Variants in USP6 observed in about 807,000 individuals in gnomAD.
USP6 encodes ubiquitin carboxyl-terminal hydrolase 6.
In USP6, 128 loss-of-function variants were observed where a neutral mutation model predicts 175.7. The ratio of observed to expected loss-of-function variants is 0.73; its 90% CI spans 0.63 to 0.84. USP6 has a LOEUF of 0.84. USP6 is among the 40% of genes least tolerant of loss of function. The probability of loss-of-function intolerance (pLI) is 0.00; values close to 1 mark genes in which losing one functional copy is unlikely to be tolerated. For missense variants in USP6, 1,498 were observed against 1,760.3 expected (o/e 0.85, Z 2.67); for synonymous variants, 562 against 630.6 (o/e 0.89, Z 1.63).
intron 16 of USP6, 45 bp from the exon 17 acceptor site, chr17:5,135,763 G>T: frequency 6.3e-7 from 1 of 1,597,240 alleles, no homozygotes; most frequent in Non-Finnish European, 8.5e-7. Flanking sequence ...GGTGACCTCA[G>T]CCCTCCCAGG....
intron 30 of USP6, among the ~76,000 whole-genome samples, chr17:5,150,707 A>G (rs1015571656): frequency 6.6e-6 from 1 of 151,836 alleles, no homozygotes; most frequent in Non-Finnish European, 1.5e-5. Context: ...GTTGGCCAGG[A>G]TGGTCTTGAT....
chr17:5,174,787 A>G lies in USP6; in HGVS notation c.*1809A>G, dbSNP rs2074290641. The G allele has an allele frequency of 5.0e-6, 1 of 199,210 alleles. No individual in the cohort carries two copies. The highest frequency in any genetic ancestry group is 1.9e-4 in the South Asian group (1 of 5,226). 12.3% of individuals were successfully genotyped at this position (199,210 alleles called of 1,614,324 possible). On this transcript the variant is annotated 3_prime_UTR_variant, in exon 38 of 38. Transcript: ENST00000574788. The stretch of plus-strand genomic sequence containing the variant: ...ATTTATTAAATTAACTATTAACTAC[A>G]TTCACCTTGTAAATTACTGTATAAA...
intron 26 of USP6, 124 bp downstream of exon 26, chr17:5,144,987 G>T: frequency 7.3e-7 from 1 of 1,365,864 alleles, no homozygotes; most frequent in Non-Finnish European, 9.7e-7. Context: ...AAAAATTAAG[G>T]AATTTCTATT....
chr17:5,171,168 G>A (rs953271613), intron 36 of USP6, among the ~76,000 whole-genome samples: 4 of 151,896 alleles, frequency 2.6e-5, no homozygotes, highest in South Asian at 4.1e-4. Flanking sequence ...CTTGGGCCCC[G>A]TCTCTACAAA....
rs148034086 is a variant in USP6 at position 5,155,512 on chromosome 17, C to T, written c.2734C>T (p.Arg912Trp). Residue 912 changes from arginine (R) to tryptophan (W), a missense_variant, in exon 31 of 38, where the codon CGG becomes TGG. Physicochemically the swap from Arg to Trp is moderately radical, Grantham distance 101 (BLOSUM62 -3). Transcript: ENST00000574788. Reference protein sequence around the residue: ...PLIVPCTVHTRKKDLYDAVWI... With the variant: ...PLIVPCTVHTWKKDLYDAVWI... ...GATTGTTCCATGCACTGTGCATACCCGGAAGAAAGACCTATATGATGCGGT... is the reference window on the plus strand; with the variant it reads ...GATTGTTCCATGCACTGTGCATACCTGGAAGAAAGACCTATATGATGCGGT... 21 of 1,613,920 alleles carry T rather than the reference C, an allele frequency of 1.3e-5. No homozygotes were observed. In the East Asian group the frequency reaches 1.6e-4, roughly 12 times the overall value.
At chr17:5,134,251 T>C in intron 15 of USP6, 1 of 484,152 alleles carries the variant, frequency 2.1e-6, no homozygotes, top group African/African-American at 2.0e-5. Flanking sequence ...TCACACGCAA[T>C]GGTGAAAGGT....
intron 6 of USP6, 36 bp downstream of exon 6, chr17:5,125,974 C>T (rs1022781311): frequency 7.2e-5 from 11 of 152,104 alleles, no homozygotes; most frequent in Non-Finnish European, 1.6e-4. Context: ...GGGGTTTCTC[C>T]ATGTTGGTCA....
intron 31 of USP6, among the ~76,000 whole-genome samples, chr17:5,156,142 A>C (rs2073879250): frequency 6.6e-6 from 1 of 152,214 alleles, no homozygotes; most frequent in Non-Finnish European, 1.5e-5. Flanking sequence ...ACGTGAAGTA[A>C]TTTCATAAAT....
chr17:5,141,145 C>T (rs1448314194), intron 22 of USP6, among the ~76,000 whole-genome samples: 1 of 152,084 alleles, frequency 6.6e-6, no homozygotes, highest in African/African-American at 2.4e-5. Context: ...AATACAGTAA[C>T]ATACTGTACA....
rs572034868 is a variant in USP6, at chr17:5,148,653, T to C, written c.2529T>C (p.Thr843=). The part of the protein sequence containing the change: ...PIFIPNGMPN[T]VVPCGTEKNF... Reference sequence around the variant, plus strand: ...TCATCCCCAATGGAATGCCAAACACTGTTGTGCCATGTGGAACTGAGAAGA... The same window carrying C: ...TCATCCCCAATGGAATGCCAAACACCGTTGTGCCATGTGGAACTGAGAAGA... The change falls in exon 30 of 38, where the codon ACT becomes ACC. Residue 843 remains threonine (T), a synonymous_variant. Coordinates refer to ENST00000574788, the MANE Select transcript of USP6 (RefSeq NM_001304284.2). 2.4e-4 allele frequency: 381 copies of C among 1,613,958 alleles called. 6 individuals carry two copies. The South Asian group carries it at 4.0e-3, about 17-fold the overall frequency.
intron 29 of USP6, among the ~76,000 whole-genome samples, chr17:5,148,248 A>G (rs1450647358): frequency 6.6e-6 from 1 of 152,208 alleles, no homozygotes; most frequent in Non-Finnish European, 1.5e-5. Flanking sequence ...AGGCGAACAG[A>G]AGGAAAAGAA....
rs2143885780 is a variant in USP6, at chr17:5,135,897, G to A, written c.633G>A (p.Gln211=). ...PEEDAFWALV[Q]LLASERHSLP... The stretch of plus-strand genomic sequence containing the variant: ...AGGACGCATTCTGGGCACTGGTGCA[G>A]CTGCTGGCCAGTGAGAGGCACTCCC... Residue 211 remains glutamine, a synonymous_variant, in exon 17 of 38, where the codon CAG becomes CAA. Coordinates refer to ENST00000574788, the MANE Select transcript of USP6 (RefSeq NM_001304284.2). 2 of 1,599,106 alleles carry A rather than the reference G, an allele frequency of 1.3e-6. No individual in the cohort carries two copies. Among genetic ancestry groups the A allele is most frequent in the East Asian group, 2.2e-5 (1 of 44,874 alleles).
intron 4 of USP6, among the ~76,000 whole-genome samples, chr17:5,123,901 GTGCGCACACACACACA>G (rs1004565380): frequency 2.5e-5 from 3 of 118,474 alleles, no homozygotes; most frequent in African/African-American, 3.1e-5. Flanking sequence ...AAGCACGCAC[GTGCGCACACACACACA>G]CGCACACACA....
chr17:5,135,179 G>A (rs977990823), intron 15 of USP6, 55 bp from the exon 16 acceptor site: 2 of 1,584,652 alleles, frequency 1.3e-6, no homozygotes, highest in African/African-American at 2.7e-5. Flanking sequence ...TAGACAAAGT[G>A]AAACTAACAG....
rs2073035964 is a variant in USP6, at chr17:5,130,612, C to T, written c.83C>T (p.Ala28Val). The T allele has an allele frequency of 6.2e-7, 1 of 1,613,764 alleles. No individual in the cohort carries two copies. The highest frequency in any genetic ancestry group is 8.5e-7 in the Non-Finnish European group (1 of 1,179,828). The change falls in exon 11 of 38, where the codon GCT becomes GTT. Residue 28 changes from alanine to valine, a missense_variant. Ala to Val is a moderately conservative substitution (Grantham distance 64). Coordinates refer to ENST00000574788, the MANE Select transcript of USP6 (RefSeq NM_001304284.2). ...ILMKYDKGHR[A>V]GLPEDKGPEP... ...CCCTCTGGGTTACAGGGACACCGAG[C>T]TGGGCTGCCAGAGGACAAGGGGCCT...
At chr17:5,168,675 A>G (rs1264782267) in intron 34 of USP6, 92 bp from the exon 35 acceptor site, 3 of 1,444,120 alleles carry the variant, frequency 2.1e-6, no homozygotes, top group Non-Finnish European at 2.8e-6. Flanking sequence ...ATATATTTCC[A>G]AACATTCACA....
chr17:5,134,889 G>A lies in USP6; in HGVS notation c.495-345G>A, dbSNP rs1162639588. ...AACCCTGGAGATTTGGAAGATGATG[G>A]AGTCGCTCCAGGAGGGGCTGGAGCG... is the stretch of plus-strand genomic sequence containing the variant. On this transcript the variant is annotated intron_variant, in intron 15 of 37. Coordinates refer to ENST00000574788, the MANE Select transcript of USP6 (RefSeq NM_001304284.2). The A allele has an allele frequency of 1.1e-5, 4 of 349,024 alleles. 1 individual carries two copies. Among genetic ancestry groups the A allele is most frequent in the East Asian group, 7.5e-5 (1 of 13,394 alleles). 21.6% of individuals were successfully genotyped at this position (349,024 alleles called of 1,614,324 possible). A position where few individuals can be genotyped will look rare whatever the true frequency, so the allele number is the denominator to read the frequency against.
chr17:5,162,459 T>C, intron 32 of USP6, among the ~76,000 whole-genome samples: 1 of 152,202 alleles, frequency 6.6e-6, no homozygotes, highest in Admixed American at 6.5e-5. Context: ...CTGTAAACTT[T>C]TATATGCATT....
Position 5,136,589 on chromosome 17 carries a change from C to T in USP6, c.665-51C>T, listed in dbSNP as rs745422815. ...TGCCCAGCTCTTTCAGCTGATGGCTCCACACCTTGGGGGAAGGCTCTGATT... is the reference window on the plus strand; with the variant it reads ...TGCCCAGCTCTTTCAGCTGATGGCTTCACACCTTGGGGGAAGGCTCTGATT... On this transcript the variant is annotated intron_variant, in intron 17 of 37. Coordinates refer to ENST00000574788, the MANE Select transcript of USP6 (RefSeq NM_001304284.2). 5.0e-6 allele frequency: 8 copies of T among 1,601,336 alleles called. No individual in the cohort carries two copies. In the East Asian group the frequency reaches 6.7e-5, roughly 13 times the overall value.
Sources: allele counts gnomAD v4.1 joint callset (sites outside exome capture counted in the v4.1 genomes callset), GRCh38; gene constraint gnomAD v4.1.1; transcripts MANE v1.5; gene names NCBI Gene and HGNC (gene_info 2026-07-23, HGNC 2026-07-21).